Variants in PRKCE observed in about 807,000 individuals in gnomAD.
PRKCE encodes the protein protein kinase C epsilon.
PRKCE carries 16 observed loss-of-function variants against 85.4 expected under a neutral mutation model. The ratio of observed to expected loss-of-function variants is 0.19; its 90% CI spans 0.13 to 0.28. PRKCE has a LOEUF of 0.28. Among genes scored for constraint, PRKCE ranks in the 10% least tolerant of loss-of-function variants. The pLI, the probability that PRKCE is intolerant of heterozygous loss-of-function variation, is 1.00. For missense variants in PRKCE, 573 were observed against 975.2 expected, an observed-to-expected ratio of 0.59 and a Z score of 5.49; for synonymous variants, 388 against 371.5, an observed-to-expected ratio of 1.04 and a Z score of -0.51.
In PRKCE at chr2:45,814,842, G is replaced by T. The variant is rs1468518715; in HGVS notation, c.349-28158G>T. On this transcript the variant is annotated intron_variant, in intron 1 of 14. Transcript: ENST00000306156. ...AGTTTTCATAGCACCTTAGCCACAG[G>T]CTGCAGTTGTCCTGATGAGCCCTTA... Among the ~76,000 whole-genome samples the T allele has an allele frequency of 3.3e-5, 5 of 152,188 alleles. No individual in the cohort carries two copies. The South Asian group carries it at 1.0e-3, about 32-fold the overall frequency.
intron 2 of PRKCE, among the ~76,000 whole-genome samples, chr2:45,884,415 C>T (rs1215428094): frequency 1.3e-5 from 2 of 152,162 alleles, no homozygotes; most frequent in Non-Finnish European, 1.5e-5. Context: ...AGGAAGGAGG[C>T]CTGGGTTCAA....
intron 2 of PRKCE, among the ~76,000 whole-genome samples, chr2:45,867,518 A>G (rs1030199457): frequency 1.3e-5 from 2 of 152,198 alleles, no homozygotes; most frequent in African/African-American, 4.8e-5. Flanking sequence ...CTGAAAGTCC[A>G]TGGGACTGCT....
At chr2:45,923,147 G>A (rs562970112) in intron 2 of PRKCE, among the ~76,000 whole-genome samples, 3 of 152,306 alleles carry the variant, frequency 2.0e-5, no homozygotes, top group Admixed American at 6.5e-5. Flanking sequence ...GAGAAATAGA[G>A]GAGTAGGCCT....
rs1193303400 is a variant in PRKCE at position 45,792,013 on chromosome 2, C to T, written c.349-50987C>T. ...CAGTGTTTTAGTCCATTTAGTGTTA[C>T]TCTAACAGAATAGCTAAGGCTGGAT... On this transcript the variant is annotated intron_variant, in intron 1 of 14. Coordinates refer to ENST00000306156, the MANE Select transcript of PRKCE (RefSeq NM_005400.3). 1.3e-5 allele frequency among the ~76,000 whole-genome samples: 2 copies of T among 152,330 alleles called. 1 individual carries two copies. The highest frequency in any genetic ancestry group is 3.9e-4 in the East Asian group (2 of 5,190).
At chr2:45,929,311 C>A (rs1044556058) in intron 2 of PRKCE, among the ~76,000 whole-genome samples, 12 of 152,200 alleles carry the variant, frequency 7.9e-5, no homozygotes, top group Non-Finnish European at 1.3e-4. Flanking sequence ...TAGTCTTAAT[C>A]TGAGACACCA....
chr2:46,015,713 A>C (rs1426395617), intron 10 of PRKCE, among the ~76,000 whole-genome samples: 4 of 131,508 alleles, frequency 3.0e-5, no homozygotes, highest in East Asian at 2.3e-4. Context: ...AAAAAAAAAA[A>C]CGAAGTAAAA....
chr2:46,046,314 C>G (rs1467810766), intron 10 of PRKCE, among the ~76,000 whole-genome samples: 2 of 152,240 alleles, frequency 1.3e-5, no homozygotes, highest in African/African-American at 4.8e-5. Context: ...GATATAGGCT[C>G]TGGGGCCTGC....
At chr2:45,733,177 C>T (rs1231559104) in intron 1 of PRKCE, among the ~76,000 whole-genome samples, 1 of 152,224 alleles carries the variant, frequency 6.6e-6, no homozygotes, top group Non-Finnish European at 1.5e-5. Flanking sequence ...GAGGAGGTAT[C>T]AGACTGACTG....
chr2:45,968,596 C>G (rs1311795073), intron 2 of PRKCE, among the ~76,000 whole-genome samples: 1 of 152,088 alleles, frequency 6.6e-6, no homozygotes. Flanking sequence ...ATCTGTGCAA[C>G]CAAAAACCAT....
At chr2:45,791,441 C>T (rs146664875) in intron 1 of PRKCE, among the ~76,000 whole-genome samples, 350 of 152,340 alleles carry the variant, frequency 2.3e-3, no homozygotes, top group Middle Eastern at 6.8e-3. Flanking sequence ...TTGCCCCCTT[C>T]TAGTTTCAGG....
chr2:46,129,775 G>A (rs1208818152), intron 11 of PRKCE, among the ~76,000 whole-genome samples: 1 of 152,250 alleles, frequency 6.6e-6, no homozygotes, highest in Non-Finnish European at 1.5e-5. Flanking sequence ...GCAGAGCCTT[G>A]CAGATTGGAA....
chr2:46,089,823 T>C lies in PRKCE; in HGVS notation c.1592+3461T>C, dbSNP rs549920599. 3.9e-5 allele frequency among the ~76,000 whole-genome samples: 6 copies of C among 152,302 alleles called. No homozygotes were observed. In the South Asian group the frequency reaches 1.0e-3, roughly 26 times the overall value. The stretch of plus-strand genomic sequence containing the variant: ...GGCCATGATGACCTTTTGGCCCTTA[T>C]CCCTATTGCCACCCTTTAGGCACTC... On this transcript the variant is annotated intron_variant, in intron 11 of 14. Transcript: ENST00000306156.
At chr2:45,883,057 T>TA (rs5830880) in intron 2 of PRKCE, among the ~76,000 whole-genome samples, 6,868 of 152,284 alleles carry the variant, frequency 0.045, 520 homozygotes, top group African/African-American at 0.15. Context: ...TTTAGTTGGG[T>TA]AAAAAATGGG....
At chr2:45,839,174 C>A (rs1192455142) in intron 1 of PRKCE, among the ~76,000 whole-genome samples, 1 of 151,776 alleles carries the variant, frequency 6.6e-6, no homozygotes, top group Non-Finnish European at 1.5e-5. Flanking sequence ...AAGTGCTTTG[C>A]ATGTATGTTT....
At chr2:45,921,085 T>C (rs908225125) in intron 2 of PRKCE, among the ~76,000 whole-genome samples, 2 of 152,230 alleles carry the variant, frequency 1.3e-5, no homozygotes, top group Admixed American at 1.3e-4. Context: ...CCCTAAAATG[T>C]TTATGAAATA....
At chr2:45,885,650 T>A (rs1695241760) in intron 2 of PRKCE, among the ~76,000 whole-genome samples, 1 of 152,234 alleles carries the variant, frequency 6.6e-6, no homozygotes, top group Admixed American at 6.5e-5. Context: ...TCTCTGACTG[T>A]TGTTGACAAC....
chr2:45,968,626 A>G (rs1701894240), intron 2 of PRKCE, among the ~76,000 whole-genome samples: 1 of 152,232 alleles, frequency 6.6e-6, no homozygotes, highest in Non-Finnish European at 1.5e-5. Context: ...AAAGCTATTG[A>G]AATAAAAAAG....
chr2:45,693,438 G>A (rs1386618388), intron 1 of PRKCE, among the ~76,000 whole-genome samples: 1 of 152,132 alleles, frequency 6.6e-6, no homozygotes, highest in East Asian at 1.9e-4. Context: ...AGGTGACCTG[G>A]AGAGAAAGTG....
chr2:46,134,852 G>A (rs1674800070), intron 11 of PRKCE, among the ~76,000 whole-genome samples: 2 of 152,244 alleles, frequency 1.3e-5, no homozygotes, highest in African/African-American at 4.8e-5. Context: ...TCACCCACAT[G>A]CTGGAAACAC....
Sources: allele counts gnomAD v4.1 joint callset (sites outside exome capture counted in the v4.1 genomes callset), GRCh38; gene constraint gnomAD v4.1.1; transcripts MANE v1.5; gene names NCBI Gene and HGNC (gene_info 2026-07-23, HGNC 2026-07-21).